NAV1: variants seen among roughly 807,000 people sequenced by gnomAD.
The protein encoded by NAV1 is neuron navigator 1, also known as pore membrane and/or filament interacting like protein 3.
A neutral mutation model predicts 175.2 loss-of-function variants in NAV1; 18 were observed. The observed-to-expected ratio is 0.10, with a 90% CI of 0.07 to 0.15. NAV1 has a LOEUF of 0.15. Among genes scored for constraint, NAV1 ranks in the 10% least tolerant of loss-of-function variants. NAV1 has a pLI of 1.00. For synonymous variants in NAV1, 897 were observed against 978.7 expected (o/e 0.92, Z 1.56); for missense variants, 1,731 against 2,436.6 (o/e 0.71, Z 6.10).
Position 201,699,465 on chromosome 1 carries a change from T to G in NAV1, c.758-13352T>G, listed in dbSNP as rs1671322265. ...AGGATACAAACAAATGGAAGAACAT[T>G]CCATGCTCATGGATAGGAAGAATCA... On this transcript the variant is annotated intron_variant, in intron 1 of 29. Transcript: ENST00000367296. Among the ~76,000 whole-genome samples the G allele has an allele frequency of 2.0e-5, 3 of 152,262 alleles. No individual in the cohort carries two copies. In the South Asian group the frequency reaches 6.2e-4, roughly 32 times the overall value.
In NAV1 at chr1:201,718,889, C is replaced by T. The variant is rs2102486064; in HGVS notation, c.1226+134C>T. ...TGCTATGAAAGTACACAAAAGTGTG[C>T]TGTGTACACTTTGTGATTGCCTCTG... On this transcript the variant is annotated intron_variant, in intron 3 of 29. Transcript: ENST00000367296. The surrounding 1 kb of genome is among the most constrained non-coding windows in gnomAD (Gnocchi z 4.8). 8.6e-7 allele frequency: 1 copy of T among 1,156,378 alleles called. No homozygotes were observed. The highest frequency in any genetic ancestry group is 1.2e-6 in the Non-Finnish European group (1 of 814,546). 71.6% of individuals were successfully genotyped at this position (1,156,378 alleles called of 1,614,324 possible).
chr1:201,628,661 C>T (rs1257508933), intron 1 of NAV1, among the ~76,000 whole-genome samples: 4 of 152,064 alleles, frequency 2.6e-5, no homozygotes, highest in Non-Finnish European at 4.4e-5. Flanking sequence ...CTGGAGACAG[C>T]GGGCGGATGG....
At chr1:201,822,392 T>A (rs1679434848) in exon 30 of NAV1, 1 of 152,646 alleles carries the variant, frequency 6.6e-6, no homozygotes. Flanking sequence ...TTTAATGCCA[T>A]CTTAATCTGA....
At chr1:201,714,773 T>C (rs1672065419) in intron 2 of NAV1, among the ~76,000 whole-genome samples, 1 of 152,194 alleles carries the variant, frequency 6.6e-6, no homozygotes, top group African/African-American at 2.4e-5. Context: ...AAGTGCTTAG[T>C]TGCTGAGAGG....
intron 7 of NAV1, 136 bp from the exon 12 acceptor site, chr1:201,785,174 C>A (rs2102723084): frequency 1.3e-6 from 1 of 790,242 alleles, no homozygotes; most frequent in Non-Finnish European, 2.0e-6. Flanking sequence ...GTTTCTAGAG[C>A]TAAAGCAGGT....
At chr1:201,561,841 C>T (rs1431314663) in intron 1 of NAV1, among the ~76,000 whole-genome samples, 2 of 152,186 alleles carry the variant, frequency 1.3e-5, no homozygotes, top group Non-Finnish European at 2.9e-5. Context: ...GGGCTCTGTT[C>T]CTCCATCAGA....
At chr1:201,552,354 T>C (rs1052624038) in intron 1 of NAV1, among the ~76,000 whole-genome samples, 1 of 151,924 alleles carries the variant, frequency 6.6e-6, no homozygotes, top group African/African-American at 2.4e-5. Flanking sequence ...GGTGGCGGGG[T>C]TGGGGGTAAG....
At chr1:201,679,049 G>C (rs529071719) in intron 1 of NAV1, among the ~76,000 whole-genome samples, 4 of 152,120 alleles carry the variant, frequency 2.6e-5, no homozygotes, top group East Asian at 3.9e-4. Context: ...GCTATTTACT[G>C]GGGGGGAGAC....
chr1:201,762,642 C>T (rs1296261737), intron 3 of NAV1, among the ~76,000 whole-genome samples: 2 of 152,250 alleles, frequency 1.3e-5, no homozygotes, highest in Non-Finnish European at 2.9e-5. Context: ...GTGACAGAGA[C>T]TTTATGGCCT....
At chr1:201,642,118 C>CCTTTCTTCTCTCTTT (rs1453683397) in intron 2 of NAV1, among the ~76,000 whole-genome samples, 2 of 147,244 alleles carry the variant, frequency 1.4e-5, no homozygotes, top group East Asian at 4.0e-4. Flanking sequence ...TTCTTTCTTC[C>CCTTTCTTCTCTCTTT]CTTTCTTCTC....
At chr1:201,649,392 G>T in exon 1 of NAV1, 1 of 1,588,406 alleles carries the variant, frequency 6.3e-7, no homozygotes. Context: ...CGTGCTGGGA[G>T]ACCTGGAGCA....
intron 7 of NAV1, among the ~76,000 whole-genome samples, chr1:201,784,307 G>T (rs907805988): frequency 1.3e-5 from 2 of 152,098 alleles, no homozygotes. Flanking sequence ...ACAGGCACTT[G>T]CCACCATGCA....
intron 2 of NAV1, among the ~76,000 whole-genome samples, chr1:201,603,933 A>G (rs1667596601): frequency 6.6e-6 from 1 of 152,338 alleles, no homozygotes; most frequent in African/African-American, 2.4e-5. Flanking sequence ...ATGGTTGGTC[A>G]CAGAAGGCCA....
Position 201,649,484 on chromosome 1 carries a change from G to A in NAV1, c.757+59G>A, listed in dbSNP as rs562752843. The A allele has an allele frequency of 7.9e-4, 1,150 of 1,449,416 alleles. 4 individuals carry two copies. The African/African-American group carries it at 0.014, about 17-fold the overall frequency. The allele number at this position is 1,449,416 out of a possible 1,614,324, so 89.8% of individuals were successfully genotyped here. A position where few individuals can be genotyped will look rare whatever the true frequency, so the allele number is the denominator to read the frequency against. On this transcript the variant is annotated intron_variant, in intron 1 of 29. Coordinates refer to ENST00000367296, the Ensembl canonical transcript of NAV1. ...GGCTTTCTCCTAACCAGCTGCTGGG[G>A]AAGGTGTGGGGAAAGCGAAGCCCCC... is the stretch of plus-strand genomic sequence containing the variant.
At chr1:201,640,210 C>T (rs867042880) in intron 2 of NAV1, among the ~76,000 whole-genome samples, 8 of 152,226 alleles carry the variant, frequency 5.3e-5, no homozygotes, top group Non-Finnish European at 1.2e-4. Flanking sequence ...TCCCCAACCA[C>T]TGAACTCAGG....
chr1:201,589,904 T>C (rs773045964), intron 2 of NAV1, among the ~76,000 whole-genome samples: 24 of 152,236 alleles, frequency 1.6e-4, no homozygotes, highest in Non-Finnish European at 3.2e-4. Context: ...TTCTTTCTTT[T>C]GTTTTTGAGA....
At position 201,694,556 on chromosome 1, in the gene NAV1, G is replaced by A. The variant is rs1671106884; in HGVS notation, c.758-18261G>A. ...AGGACCACCAGCCCTGGCTGCAGAG[G>A]GAGGAGGGTAAGTCTGGGAAGCTGG... On this transcript the variant is annotated intron_variant, in intron 1 of 29. Transcript: ENST00000367296. This position sits in a 1 kb window ranked among gnomAD's most constrained non-coding sequence, Gnocchi z 4.2. Among the ~76,000 whole-genome samples, 1 of 152,148 alleles carries A rather than the reference G, an allele frequency of 6.6e-6. No homozygotes were observed. The highest frequency in any genetic ancestry group is 2.1e-4 in the South Asian group (1 of 4,822).
chr1:201,767,108 C>A (rs551615882), intron 3 of NAV1, among the ~76,000 whole-genome samples: 1 of 151,582 alleles, frequency 6.6e-6, no homozygotes, highest in South Asian at 2.1e-4. Context: ...TGTGAGCCAC[C>A]GCGCCTGGCC....
chr1:201,557,122 T>G (rs1021955690), intron 1 of NAV1, among the ~76,000 whole-genome samples: 1 of 152,056 alleles, frequency 6.6e-6, no homozygotes, highest in African/African-American at 2.4e-5. Context: ...AAGTTGAAGA[T>G]TTCTATGCAT....
Sources: gnomAD v4.1 joint callset for allele counts (sites outside exome capture counted in the v4.1 genomes callset) on GRCh38, gnomAD v4.1.1 for gene constraint, Gnocchi (gnomAD v3.1) non-coding constraint, MANE v1.5 for transcripts, NCBI Gene and HGNC (gene_info 2026-07-23, HGNC 2026-07-21) for gene names.